Variants in CENPT observed in about 807,000 individuals in gnomAD.
CENPT encodes the protein interphase centromere complex protein 22.
CENPT carries 42 observed loss-of-function variants against 59.7 expected under a neutral mutation model. That is an observed-to-expected ratio of 0.70 (90% CI 0.55 to 0.91). CENPT has a LOEUF of 0.91. CENPT is among the 40% of genes least tolerant of loss of function. CENPT has a pLI of 0.00. For synonymous variants in CENPT, 295 were observed against 289.6 expected, an observed-to-expected ratio of 1.02 and a Z score of -0.19; for missense variants, 716 against 713.4, an observed-to-expected ratio of 1.00 and a Z score of -0.04.
intron 5 of CENPT, 56 bp downstream of exon 5, chr16:67,832,399 A>C: frequency 6.2e-7 from 1 of 1,608,862 alleles, no homozygotes; most frequent in Non-Finnish European, 8.5e-7. Flanking sequence ...GCTAGACCTC[A>C]ACCCCCCTCC....
At chr16:67,830,993 G>A in intron 10 of CENPT, 2 of 624,342 alleles carry the variant, frequency 3.2e-6, no homozygotes, top group South Asian at 3.8e-5. Context: ...ACAACCTCCA[G>A]CCCTATAGTC....
intron 4 of CENPT, among the ~76,000 whole-genome samples, chr16:67,832,955 A>C (rs1472341780): frequency 1.3e-5 from 2 of 152,196 alleles, no homozygotes; most frequent in Non-Finnish European, 2.9e-5. Context: ...GGTACCCCAG[A>C]CACCTTAGTC....
rs1209234464 is a variant in CENPT, at chr16:67,830,087, G to C, written c.864C>G (p.Ser288Arg). The stretch of plus-strand genomic sequence containing the variant: ...CCAGAAACTGGGCTGGTTTCCCAGG[G>C]CCTGAGTGAAGGGGAGAGAATACAG... The part of the protein sequence containing the change: ...QSSGPGLQKN[S>R]PGKPAQFLAG... Residue 288 changes from serine to arginine, a missense_variant and splice_region_variant, in exon 12 of 16, where the codon AGC becomes AGG. Physicochemically the swap from Ser to Arg is moderately radical, Grantham distance 110. Coordinates refer to ENST00000562787, the MANE Select transcript of CENPT (RefSeq NM_025082.4). 12 of 1,613,946 alleles carry C rather than the reference G, an allele frequency of 7.4e-6. No homozygotes were observed. The highest frequency in any genetic ancestry group is 1.0e-5 in the Non-Finnish European group (12 of 1,179,876).
In CENPT at chr16:67,830,567, C is replaced by T. The variant is rs2057677081; in HGVS notation, c.704-19G>A. ...ACAATGTCTGTGGGCAGAGTAGTAA[C>T]AGGTTCTGAGGCTGTCACCTGGAGA... is the stretch of plus-strand genomic sequence containing the variant. On this transcript the variant is annotated intron_variant, in intron 10 of 15. Transcript: ENST00000562787. The T allele has an allele frequency of 2.5e-6, 4 of 1,612,600 alleles. No homozygotes were observed. In the African/African-American group the frequency reaches 4.0e-5, roughly 16 times the overall value.
rs774236490 is a variant in CENPT, at chr16:67,830,098, G to C, written c.863-10C>G. 1.2e-6 allele frequency: 2 copies of C among 1,613,392 alleles called. No homozygotes were observed. Among genetic ancestry groups the C allele is most frequent in the Non-Finnish European group, 1.7e-6 (2 of 1,179,468 alleles). ...GCTGGTTTCCCAGGGCCTGAGTGAAGGGGAGAGAATACAGGCCGGAGACGC... is the reference window on the plus strand; with the variant it reads ...GCTGGTTTCCCAGGGCCTGAGTGAACGGGAGAGAATACAGGCCGGAGACGC... On this transcript the variant is annotated splice_polypyrimidine_tract_variant and intron_variant, in intron 11 of 15. Transcript: ENST00000562787.
chr16:67,832,305 C>G lies in CENPT; in HGVS notation c.212G>C (p.Arg71Thr), dbSNP rs2151285642. 6 of 1,614,026 alleles carry G rather than the reference C, an allele frequency of 3.7e-6. No individual in the cohort carries two copies. Among genetic ancestry groups the G allele is most frequent in the Non-Finnish European group, 5.1e-6 (6 of 1,179,982 alleles). Residue 71 changes from arginine to threonine, a missense_variant, in exon 6 of 16, where the codon AGA becomes ACA. Physicochemically the swap from Arg to Thr is moderately conservative, Grantham distance 71. Coordinates refer to ENST00000562787, the MANE Select transcript of CENPT (RefSeq NM_025082.4). ...CCCACTGGCCTGAATATGGGCCGATCTGCCAACAGACTATCGGCAAAGCAC... is the reference window on the plus strand; with the variant it reads ...CCCACTGGCCTGAATATGGGCCGATGTGCCAACAGACTATCGGCAAAGCAC... ...GRSHGARSVG[R>T]SAHIQASGHL...
chr16:67,831,653 T>C (rs557075852), intron 8 of CENPT, 41 bp from the exon 9 acceptor site: 4 of 1,612,908 alleles, frequency 2.5e-6, no homozygotes, highest in African/African-American at 2.7e-5. Flanking sequence ...AAGAAAACCA[T>C]GGTAAGTGAT....
intron 3 of CENPT, among the ~76,000 whole-genome samples, chr16:67,834,409 A>T (rs2151286634): frequency 6.6e-6 from 1 of 152,278 alleles, no homozygotes; most frequent in Middle Eastern, 3.4e-3. Context: ...GGAGTTCGAG[A>T]GCAGCCTGGG....
In CENPT at chr16:67,842,852, G is replaced by T. The variant is rs754275294; in HGVS notation, c.-492+4549C>A. The stretch of plus-strand genomic sequence containing the variant: ...GCGCAGACCCGCTGGGGCCGCGGCC[G>T]CCCGCCGCAGGCAGCAGCAGCAACA... On this transcript the variant is annotated intron_variant, in intron 1 of 15. Coordinates refer to ENST00000562787, the MANE Select transcript of CENPT (RefSeq NM_025082.4). The surrounding 1 kb of genome is among the most constrained non-coding windows in gnomAD (Gnocchi z 4.9). The T allele has an allele frequency of 4.1e-5, 65 of 1,601,522 alleles. 1 individual carries two copies. The Middle Eastern group carries it at 2.9e-3, about 71-fold the overall frequency.
Position 67,842,910 on chromosome 16 carries a change from AGCAGCAGCAACAG to A in CENPT, c.-492+4478_-492+4490del. The A allele has an allele frequency of 6.4e-7, 1 of 1,572,748 alleles. No homozygotes were observed. On this transcript the variant is annotated intron_variant, in intron 1 of 15. Coordinates refer to ENST00000562787, the MANE Select transcript of CENPT (RefSeq NM_025082.4). This position sits in a 1 kb window ranked among gnomAD's most constrained non-coding sequence, Gnocchi z 4.9. ...CAGCAGCAACAGCAGCAACAGCAGCAGCAGCAGCAACAGCAGCAGCAGCAGCAGCAGCAGCAGC... is the reference window on the plus strand; with the variant it reads ...CAGCAGCAACAGCAGCAACAGCAGCACAGCAGCAGCAGCAGCAGCAGCAGC...
At chr16:67,844,624 C>T (rs1367137779) in intron 1 of CENPT, among the ~76,000 whole-genome samples, 2 of 152,152 alleles carry the variant, frequency 1.3e-5, no homozygotes, top group Non-Finnish European at 2.9e-5. Flanking sequence ...CCGGTAAGAG[C>T]GCAGCTGGAG....
intron 10 of CENPT, 81 bp from the exon 11 acceptor site, chr16:67,830,629 A>G: frequency 1.4e-6 from 2 of 1,436,220 alleles, no homozygotes; most frequent in Non-Finnish European, 1.9e-6. Context: ...TTCCAGGCCC[A>G]CCGGCTGCTA....
At chr16:67,837,366 G>T (rs1284542811) in intron 1 of CENPT, among the ~76,000 whole-genome samples, 1 of 151,696 alleles carries the variant, frequency 6.6e-6, no homozygotes, top group Non-Finnish European at 1.5e-5. Context: ...TACAGGCGGG[G>T]TTTCACCATG....
Position 67,845,466 on chromosome 16 carries a change from A to G in CENPT, c.-492+1935T>C, listed in dbSNP as rs532321652. Among the ~76,000 whole-genome samples, 149 of 152,268 alleles carry G rather than the reference A, an allele frequency of 9.8e-4. 1 individual carries two copies. Among genetic ancestry groups the G allele is most frequent in the African/African-American group, 3.4e-3 (141 of 41,552 alleles). On this transcript the variant is annotated intron_variant, in intron 1 of 15. Transcript: ENST00000562787. ...TGGACCTCTGTCTTCCTAGGGTTAG[A>G]TCTGGCTGGTAATCAGGTGGTGGAA...
Position 67,833,833 on chromosome 16 carries a change from G to C in CENPT, c.27C>G (p.Asp9Glu). 2 of 1,572,826 alleles carry C rather than the reference G, an allele frequency of 1.3e-6. No homozygotes were observed. The highest frequency in any genetic ancestry group is 1.7e-6 in the Non-Finnish European group (2 of 1,162,070). Residue 9 changes from aspartate (D) to glutamate (E), a missense_variant, in exon 4 of 16, where the codon GAC becomes GAG. By Grantham distance (45) the Asp-to-Glu change is conservative. Transcript: ENST00000562787. Reference sequence around the variant, plus strand: ...GTCGCAGCAGCGTGCGCGGCGTGGAGTCGCTGTCAGGGTTGTGGTCAGCCA... The same window carrying C: ...GTCGCAGCAGCGTGCGCGGCGTGGACTCGCTGTCAGGGTTGTGGTCAGCCA... MADHNPDS[D>E]STPRTLLRRV... is the part of the protein sequence containing the mutation.
intron 1 of CENPT, among the ~76,000 whole-genome samples, chr16:67,837,114 T>C (rs1307864509): frequency 6.8e-6 from 1 of 147,944 alleles, no homozygotes; most frequent in Non-Finnish European, 1.5e-5. Context: ...CAGGTGATCT[T>C]CCGCCTCGGC....
chr16:67,831,234 TATCTCGCAG>T lies in CENPT; in HGVS notation c.676_684del (p.Leu226_Asp228del), dbSNP rs2057685015. 1 of 1,613,860 alleles carries T rather than the reference TATCTCGCAG, an allele frequency of 6.2e-7. No individual in the cohort carries two copies. Among genetic ancestry groups the T allele is most frequent in the Admixed American group, 1.7e-5 (1 of 59,982 alleles). ...ACCTTACTTGGAGGAGCCAGGGAAG[TATCTCGCAG>T]ATCCCGCAAAAAGGCACCCACGTCT... On this transcript the variant is annotated inframe_deletion, in exon 10 of 16. Transcript: ENST00000562787.
chr16:67,831,130 G>A (rs778327150), intron 10 of CENPT, 86 bp downstream of exon 10: 6 of 1,589,156 alleles, frequency 3.8e-6, no homozygotes, highest in Non-Finnish European at 5.2e-6. Context: ...ACCGAGAGGG[G>A]TGCAACCCTG....
intron 1 of CENPT, among the ~76,000 whole-genome samples, chr16:67,838,973 G>A (rs1351308772): frequency 2.6e-5 from 4 of 151,496 alleles, no homozygotes; most frequent in South Asian, 2.1e-4. Context: ...AATATTGGCC[G>A]GGTGCAGTGG....
Sources: allele counts gnomAD v4.1 joint callset (sites outside exome capture counted in the v4.1 genomes callset), GRCh38; gene constraint gnomAD v4.1.1; non-coding constraint Gnocchi (gnomAD v3.1); transcripts MANE v1.5; gene names NCBI Gene and HGNC (gene_info 2026-07-23, HGNC 2026-07-21).